Variants in CDC14A observed in about 807,000 individuals in gnomAD.
CDC14A encodes dual specificity protein phosphatase CDC14A.
CDC14A carries 53 observed loss-of-function variants against 74.4 expected under a neutral mutation model. The observed-to-expected ratio is 0.71, with a 90% CI of 0.57 to 0.89. The LOEUF (loss-of-function observed/expected upper bound fraction) is 0.89. Ranked by LOEUF, CDC14A falls within the 40% of genes least tolerant of loss-of-function variation. The pLI, the probability that CDC14A is intolerant of heterozygous loss-of-function variation, is 0.00. For missense variants in CDC14A, 646 were observed against 713.7 expected (o/e 0.91, Z 1.08); for synonymous variants, 247 against 258.4 (o/e 0.96, Z 0.43).
intron 15 of CDC14A, among the ~76,000 whole-genome samples, chr1:100,510,451 G>C (rs1389903103): frequency 1.3e-5 from 2 of 151,986 alleles, no homozygotes; most frequent in Admixed American, 1.3e-4. Flanking sequence ...TTATTGCTTA[G>C]CACATTGCTT....
intron 15 of CDC14A, chr1:100,505,000 A>G (rs1649107574): frequency 7.5e-7 from 1 of 1,338,294 alleles, no homozygotes; most frequent in African/African-American, 1.5e-5. Context: ...ATATACATGA[A>G]CATCTATATT....
intron 9 of CDC14A, among the ~76,000 whole-genome samples, chr1:100,464,989 G>A (rs530979312): frequency 9.5e-4 from 142 of 149,736 alleles, no homozygotes; most frequent in African/African-American, 3.3e-3. Flanking sequence ...GCAATGGTGC[G>A]ATCTCAGCTC....
chr1:100,445,824 T>C (rs754180815), intron 7 of CDC14A, among the ~76,000 whole-genome samples: 68 of 152,226 alleles, frequency 4.5e-4, no homozygotes, highest in Non-Finnish European at 8.8e-4. Context: ...AGACTTGATG[T>C]TGTCAAACAA....
intron 2 of CDC14A, among the ~76,000 whole-genome samples, chr1:100,370,031 T>A (rs1212305463): frequency 6.6e-6 from 1 of 151,874 alleles, no homozygotes; most frequent in Non-Finnish European, 1.5e-5. Context: ...TCACCCAGGC[T>A]GGAGTGTAGT....
rs1222553797 is a variant in CDC14A at position 100,357,761 on chromosome 1, A to AAG, written c.140+3909_140+3910insAG. 3.4e-5 allele frequency among the ~76,000 whole-genome samples: 5 copies of AAG among 147,212 alleles called. No individual in the cohort carries two copies. In the South Asian group the frequency reaches 8.8e-4, roughly 26 times the overall value. On this transcript the variant is annotated intron_variant, in intron 2 of 15. Coordinates refer to ENST00000336454, the MANE Select transcript of CDC14A (RefSeq NM_003672.4). ...CCCATCTCTTAAAAAAAAAAAAAAA[A>AAG]GAAAGAAATGCTGCTTTTCTGGCTA...
At chr1:100,420,570 TAA>T (rs1662245032) in intron 4 of CDC14A, among the ~76,000 whole-genome samples, 1 of 152,174 alleles carries the variant, frequency 6.6e-6, no homozygotes, top group African/African-American at 2.4e-5. Flanking sequence ...TTTAAAATTA[TAA>T]GAGTTATGCA....
chr1:100,381,778 TA>T (rs1182362226), intron 3 of CDC14A, among the ~76,000 whole-genome samples: 1 of 152,142 alleles, frequency 6.6e-6, no homozygotes, highest in African/African-American at 2.4e-5. Context: ...TCATCACCAA[TA>T]AAAAACCTGC....
chr1:100,406,612 C>T (rs922430803), intron 4 of CDC14A, among the ~76,000 whole-genome samples: 1 of 152,064 alleles, frequency 6.6e-6, no homozygotes, highest in African/African-American at 2.4e-5. Context: ...AGCCAGCTCT[C>T]CCAGCACCAT....
At chr1:100,401,295 T>C (rs1015779468) in intron 4 of CDC14A, among the ~76,000 whole-genome samples, 1 of 152,200 alleles carries the variant, frequency 6.6e-6, no homozygotes, top group Non-Finnish European at 1.5e-5. Context: ...TCTAGAACAA[T>C]GTCTGACACA....
At chr1:100,423,837 A>G (rs1662639763) in intron 4 of CDC14A, 1 of 185,948 alleles carries the variant, frequency 5.4e-6, no homozygotes, top group Non-Finnish European at 1.2e-5. Flanking sequence ...AAGTCTTTCA[A>G]AATTTACCAG....
rs1651214260 is a variant in CDC14A at position 100,352,597 on chromosome 1, A to G, written c.-358A>G. 1.8e-6 allele frequency: 2 copies of G among 1,124,478 alleles called. No homozygotes were observed. The highest frequency in any genetic ancestry group is 2.2e-6 in the Non-Finnish European group (2 of 917,172). The allele number at this position is 1,124,478 out of a possible 1,614,324, so 69.7% of individuals were successfully genotyped here. A position where few individuals can be genotyped will look rare whatever the true frequency, so the allele number is the denominator to read the frequency against. On this transcript the variant is annotated 5_prime_UTR_variant, in exon 1 of 16. It removes an upstream start codon present in the reference 5' UTR. Coordinates refer to ENST00000336454, the MANE Select transcript of CDC14A (RefSeq NM_003672.4). ...ATCGGGACCAGAAGTCTCCTCCTCC[A>G]TGATCACTTTGGAAGCCGGGGGAAG...
chr1:100,412,693 G>GTTTTATATATATATATATATATATATATA, intron 4 of CDC14A, among the ~76,000 whole-genome samples: 1 of 52,400 alleles, frequency 1.9e-5, no homozygotes, highest in South Asian at 4.9e-4. Context: ...CTTCCTGTAT[G>GTTTTATATATATATATATATATATATATA]TTTTATATAT....
intron 12 of CDC14A, among the ~76,000 whole-genome samples, chr1:100,495,168 A>T (rs1233366243): frequency 1.3e-5 from 2 of 152,226 alleles, no homozygotes; most frequent in Non-Finnish European, 2.9e-5. Context: ...GCTGCAAAGC[A>T]GTTATCTCTG....
At chr1:100,410,196 A>G (rs1415212341) in intron 4 of CDC14A, among the ~76,000 whole-genome samples, 1 of 151,758 alleles carries the variant, frequency 6.6e-6, no homozygotes, top group African/African-American at 2.4e-5. Context: ...TGGGTGACTG[A>G]GTAAGACTCT....
intron 15 of CDC14A, 61 bp downstream of exon 15, chr1:100,499,323 C>A: frequency 6.2e-7 from 1 of 1,614,072 alleles, no homozygotes; most frequent in Non-Finnish European, 8.5e-7. Flanking sequence ...CTGTGCCTTG[C>A]CTTCCCAGCC....
At chr1:100,447,977 G>A (rs17122526) in intron 7 of CDC14A, among the ~76,000 whole-genome samples, 45,547 of 152,068 alleles carry the variant, frequency 0.3, 9,755 homozygotes, top group African/African-American at 0.61. Flanking sequence ...AGGGCTTTCC[G>A]CTATTTACCA....
At chr1:100,442,777 GT>G (rs1665106637) in intron 6 of CDC14A, among the ~76,000 whole-genome samples, 156 bp from the exon 7 acceptor site, 1 of 152,016 alleles carries the variant, frequency 6.6e-6, no homozygotes, top group Non-Finnish European at 1.5e-5. Flanking sequence ...AATATAACCA[GT>G]TTTATAAAAA....
intron 10 of CDC14A, among the ~76,000 whole-genome samples, chr1:100,482,962 A>G (rs529055311): frequency 1.7e-4 from 26 of 152,136 alleles, no homozygotes; most frequent in Non-Finnish European, 1.9e-4. Context: ...CATGGTGTAT[A>G]TGTACCACAT....
intron 8 of CDC14A, among the ~76,000 whole-genome samples, chr1:100,459,955 A>G (rs969465490): frequency 6.6e-6 from 1 of 152,172 alleles, no homozygotes; most frequent in Non-Finnish European, 1.5e-5. Flanking sequence ...ATGTTCTCTT[A>G]TTTGGAGTCT....
Sources: gnomAD v4.1 joint callset for allele counts (sites outside exome capture counted in the v4.1 genomes callset) on GRCh38, gnomAD v4.1.1 for gene constraint, MANE v1.5 for transcripts, NCBI Gene and HGNC (gene_info 2026-07-23, HGNC 2026-07-21) for gene names.